The following FMN1 variants were observed in gnomAD, a reference collection of about 807,000 sequenced individuals.
The protein encoded by FMN1 is formin 1, also known as formin-1.
FMN1 carries 110 observed loss-of-function variants against 132.4 expected under a neutral mutation model. The ratio of observed to expected loss-of-function variants is 0.83; its 90% CI spans 0.71 to 0.97. FMN1 has a LOEUF of 0.97. Ranked by LOEUF, FMN1 falls within the 50% of genes least tolerant of loss-of-function variation. The pLI is 0.00. For synonymous variants in FMN1, 722 were observed against 651.7 expected, an observed-to-expected ratio of 1.11 and a Z score of -1.64; for missense variants, 1,792 against 1,705.3, an observed-to-expected ratio of 1.05 and a Z score of -0.90.
At chr15:33,148,493 C>T (rs911697903) in intron 4 of FMN1, among the ~76,000 whole-genome samples, 4 of 152,202 alleles carry the variant, frequency 2.6e-5, no homozygotes, top group African/African-American at 9.7e-5. Flanking sequence ...GGCTTGGCTC[C>T]TTTACACTCT....
At chr15:33,100,430 C>T (rs556740255) in intron 4 of FMN1, among the ~76,000 whole-genome samples, 64 of 151,996 alleles carry the variant, frequency 4.2e-4, no homozygotes, top group Non-Finnish European at 7.5e-4. Flanking sequence ...ATATCTGAAA[C>T]GGGGGTTGAC....
At chr15:32,802,590 G>A (rs1320644756) in intron 18 of FMN1, among the ~76,000 whole-genome samples, 2 of 152,144 alleles carry the variant, frequency 1.3e-5, no homozygotes, top group Admixed American at 6.5e-5. Context: ...ACAAAGCCAC[G>A]GAAAACGCTG....
chr15:32,887,608 T>G (rs2059926032), intron 16 of FMN1, among the ~76,000 whole-genome samples: 1 of 152,192 alleles, frequency 6.6e-6, no homozygotes, highest in South Asian at 2.1e-4. Context: ...CAGGAACATG[T>G]GTGTATGTGT....
chr15:32,958,978 G>A (rs952093560), intron 9 of FMN1, among the ~76,000 whole-genome samples: 1 of 149,452 alleles, frequency 6.7e-6, no homozygotes, highest in African/African-American at 2.5e-5. Flanking sequence ...GGGTGGTGGG[G>A]GTTGCAGTGA....
intron 6 of FMN1, among the ~76,000 whole-genome samples, chr15:33,048,613 C>A (rs1170127261): frequency 9.0e-5 from 3 of 33,384 alleles, no homozygotes; most frequent in African/African-American, 3.1e-4. Flanking sequence ...AAGATACACT[C>A]GAGACTGGGC....
At chr15:32,962,643 C>A (rs2030705988) in intron 9 of FMN1, among the ~76,000 whole-genome samples, 1 of 150,288 alleles carries the variant, frequency 6.7e-6, no homozygotes, top group Non-Finnish European at 1.5e-5. Flanking sequence ...AACAAATTTA[C>A]AAGAAAAAAA....
rs576323170 is a variant in FMN1 at position 33,059,047 on chromosome 15, G to A, written c.2161+5910C>T. On this transcript the variant is annotated intron_variant, in intron 6 of 20. Transcript: ENST00000616417. ...TGATCAACAACTCTCCATTCCCTCCGTCTCACATCCCCAGCCTCTGATAAC... is the reference window on the plus strand; with the variant it reads ...TGATCAACAACTCTCCATTCCCTCCATCTCACATCCCCAGCCTCTGATAAC... Among the ~76,000 whole-genome samples the A allele has an allele frequency of 1.3e-4, 20 of 152,000 alleles. No homozygotes were observed. In the South Asian group the frequency reaches 3.3e-3, roughly 25 times the overall value.
chr15:33,154,539 G>C lies in FMN1; in HGVS notation c.376C>G (p.Leu126Val), dbSNP rs1227514645. 3.9e-6 allele frequency: 6 copies of C among 1,535,998 alleles called. No individual in the cohort carries two copies. Among genetic ancestry groups the C allele is most frequent in the Non-Finnish European group, 5.2e-6 (6 of 1,146,920 alleles). ...TGGAAACAGTCATCCTCGGGGGCCA[G>C]GCTCACGGACAGCTCTTGCAGCTTC... ...EGKLQELSVS[L>V]APEDDCFQSA... is the part of the protein sequence containing the mutation. The change falls in exon 4 of 21, where the codon CTG becomes GTG. Residue 126 changes from leucine to valine, a missense_variant. Transcript: ENST00000616417.
chr15:32,821,546 G>A (rs145949566), intron 17 of FMN1, among the ~76,000 whole-genome samples: 28 of 139,154 alleles, frequency 2.0e-4, no homozygotes, highest in Admixed American at 2.5e-4. Context: ...TCTACCTCCC[G>A]GGTTCAAGCA....
In FMN1 at chr15:33,124,799, A is replaced by G. The variant is rs190800182; in HGVS notation, c.1867+28249T>C. Among the ~76,000 whole-genome samples the G allele has an allele frequency of 3.0e-4, 46 of 151,504 alleles. No homozygotes were observed. In the East Asian group the frequency reaches 7.0e-3, roughly 23 times the overall value. The stretch of plus-strand genomic sequence containing the variant: ...TTTTGGATTTTGTTTTCTTTTTTGC[A>G]TGGGATCAATTCAATACTAGATGAA... On this transcript the variant is annotated intron_variant, in intron 4 of 20. Transcript: ENST00000616417.
chr15:32,832,197 C>G (rs1257692099), intron 17 of FMN1, among the ~76,000 whole-genome samples: 1 of 152,126 alleles, frequency 6.6e-6, no homozygotes. Flanking sequence ...ATTTGTTATG[C>G]AAATAATGGT....
In FMN1 at chr15:32,803,645, C is replaced by T. The variant is rs900854587; in HGVS notation, c.3980+636G>A. On this transcript the variant is annotated intron_variant, in intron 18 of 20. Transcript: ENST00000616417. ...GGACAGCCCCTTCTCCCTACCTGCCCCTTGTTTATAATATCCTCCTCTAGA... is the reference window on the plus strand; with the variant it reads ...GGACAGCCCCTTCTCCCTACCTGCCTCTTGTTTATAATATCCTCCTCTAGA... 5.3e-5 allele frequency among the ~76,000 whole-genome samples: 8 copies of T among 152,266 alleles called. No individual in the cohort carries two copies. The East Asian group carries it at 9.7e-4, about 18-fold the overall frequency.
intron 9 of FMN1, among the ~76,000 whole-genome samples, chr15:32,926,691 G>C (rs2060970184): frequency 6.6e-6 from 1 of 152,190 alleles, no homozygotes; most frequent in African/African-American, 2.4e-5. Flanking sequence ...AGGGGAAAAA[G>C]CATGAACAGC....
chr15:32,874,200 T>G (rs1338342656), intron 16 of FMN1, among the ~76,000 whole-genome samples: 1 of 151,868 alleles, frequency 6.6e-6, no homozygotes. Context: ...TTTTTGTACT[T>G]TTAGTAGAGA....
chr15:32,956,766 A>G (rs1375153658), intron 9 of FMN1, among the ~76,000 whole-genome samples: 1 of 152,168 alleles, frequency 6.6e-6, no homozygotes, highest in Non-Finnish European at 1.5e-5. Flanking sequence ...ACACCGAGGG[A>G]GCCCAGAGAA....
intron 9 of FMN1, among the ~76,000 whole-genome samples, chr15:32,930,411 G>GTT (rs60873457): frequency 7.6e-5 from 11 of 144,440 alleles, no homozygotes; most frequent in African/African-American, 1.5e-4. Flanking sequence ...GTATTTTTCA[G>GTT]TTTTTTTTTT....
Position 32,909,475 on chromosome 15 carries a change from A to G in FMN1, c.3289-897T>C, listed in dbSNP as rs563107790. Among the ~76,000 whole-genome samples the G allele has an allele frequency of 2.6e-5, 4 of 152,334 alleles. No individual in the cohort carries two copies. The East Asian group carries it at 5.8e-4, about 22-fold the overall frequency. ...TACTAAGTAGCTCCTGATACATATA[A>G]AGATGTGAAAATGAGCAAGGAATTG... On this transcript the variant is annotated intron_variant, in intron 11 of 20. Coordinates refer to ENST00000616417, the MANE Select transcript of FMN1 (RefSeq NM_001277313.2).
At chr15:32,986,026 T>A (rs2033046250) in intron 7 of FMN1, among the ~76,000 whole-genome samples, 1 of 151,874 alleles carries the variant, frequency 6.6e-6, no homozygotes, top group Non-Finnish European at 1.5e-5. Flanking sequence ...GGAAGAGGGG[T>A]CATGAAAATA....
intron 9 of FMN1, among the ~76,000 whole-genome samples, chr15:32,956,497 T>C (rs953143537): frequency 2.0e-5 from 3 of 152,090 alleles, no homozygotes; most frequent in African/African-American, 4.8e-5. Context: ...TTTCAGTAAA[T>C]GCGGCCAGTC....
Sources: allele counts gnomAD v4.1 joint callset (sites outside exome capture counted in the v4.1 genomes callset), GRCh38; gene constraint gnomAD v4.1.1; transcripts MANE v1.5; gene names NCBI Gene and HGNC (gene_info 2026-07-23, HGNC 2026-07-21).